UFL1: variants seen among roughly 807,000 people sequenced by gnomAD.
The protein encoded by UFL1 is UFM1 specific ligase 1.
Under a neutral mutation model 99.3 loss-of-function variants are expected in UFL1, and 78 were observed. The observed-to-expected ratio is 0.79, with a 90% CI of 0.65 to 0.95. The LOEUF is 0.95. Ranked by LOEUF, UFL1 falls within the 40% of genes least tolerant of loss-of-function variation. The pLI is 0.00. For missense variants in UFL1, 936 were observed against 937.0 expected, an observed-to-expected ratio of 1.00 and a Z score of 0.01; for synonymous variants, 335 against 322.2, an observed-to-expected ratio of 1.04 and a Z score of -0.42.
chr6:96,544,096 A>G (rs1421921705), intron 12 of UFL1, among the ~76,000 whole-genome samples: 1 of 151,062 alleles, frequency 6.6e-6, no homozygotes, highest in East Asian at 1.9e-4. Flanking sequence ...TTCCACTGCC[A>G]TGCAAAACAA....
chr6:96,535,639 G>GT (rs1485877778), intron 7 of UFL1, among the ~76,000 whole-genome samples: 1 of 151,976 alleles, frequency 6.6e-6, no homozygotes, highest in East Asian at 1.9e-4. Flanking sequence ...TAGCTAGTAG[G>GT]TGGCAGAGTT....
chr6:96,552,336 T>C, intron 17 of UFL1, 146 bp from the exon 18 acceptor site: 1 of 805,440 alleles, frequency 1.2e-6, no homozygotes, highest in Non-Finnish European at 1.9e-6. Flanking sequence ...TTTATGTGTG[T>C]ATATCCCATA....
At chr6:96,548,574 G>A (rs1770032986) in intron 13 of UFL1, among the ~76,000 whole-genome samples, 1 of 151,670 alleles carries the variant, frequency 6.6e-6, no homozygotes, top group South Asian at 2.1e-4. Context: ...AAAAAGACCG[G>A]CATTAACCAC....
In UFL1 at chr6:96,554,170, AAACAAGCTACT is replaced by A. The variant is rs1373190392; in HGVS notation, c.*674_*684del. 2.0e-5 allele frequency: 3 copies of A among 152,198 alleles called. No homozygotes were observed. Among genetic ancestry groups the A allele is most frequent in the African/African-American group, 7.2e-5 (3 of 41,460 alleles). The allele number at this position is 152,198 out of a possible 1,614,324, so 9.4% of individuals were successfully genotyped here. ...CCATGCATTGCTGTGTTCTCTTCTAAAACAAGCTACTAACAAGAGAGAGAACACATGCAATT... is the reference window on the plus strand; with the variant it reads ...CCATGCATTGCTGTGTTCTCTTCTAAAACAAGAGAGAGAACACATGCAATT... On this transcript the variant is annotated 3_prime_UTR_variant, in exon 19 of 19. Coordinates refer to ENST00000369278, the MANE Select transcript of UFL1 (RefSeq NM_015323.5).
chr6:96,528,831 C>T (rs575425249), intron 6 of UFL1, among the ~76,000 whole-genome samples, 199 bp downstream of exon 6: 4 of 152,244 alleles, frequency 2.6e-5, no homozygotes, highest in East Asian at 1.9e-4. Context: ...CTCTCCAGTC[C>T]GCATCTCCTT....
At chr6:96,532,134 G>A (rs531648432) in intron 6 of UFL1, among the ~76,000 whole-genome samples, 4 of 152,212 alleles carry the variant, frequency 2.6e-5, no homozygotes, top group African/African-American at 9.6e-5. Flanking sequence ...CCAAATTGAC[G>A]TAAAAATTCA....
chr6:96,529,889 C>CT (rs989311624), intron 6 of UFL1, among the ~76,000 whole-genome samples: 20 of 151,754 alleles, frequency 1.3e-4, no homozygotes, highest in African/African-American at 4.8e-4. Context: ...TGCAAGAGAA[C>CT]TTTTTTTTTC....
chr6:96,546,205 G>A (rs1769995294), intron 12 of UFL1, among the ~76,000 whole-genome samples: 2 of 150,164 alleles, frequency 1.3e-5, no homozygotes, highest in South Asian at 4.2e-4. Context: ...AAAATTAGTA[G>A]CATTTCTATA....
chr6:96,536,115 A>G, intron 7 of UFL1, 129 bp from the exon 8 acceptor site: 1 of 858,934 alleles, frequency 1.2e-6, no homozygotes, highest in Non-Finnish European at 1.7e-6. Flanking sequence ...ACCTTTATTT[A>G]TGCTATTTCA....
At chr6:96,552,861 A>T (rs2127954033) in intron 18 of UFL1, among the ~76,000 whole-genome samples, 199 bp downstream of exon 18, 1 of 152,218 alleles carries the variant, frequency 6.6e-6, no homozygotes, top group African/African-American at 2.4e-5. Context: ...GAATGTTCTG[A>T]ATTTGGAAAT....
In UFL1 at chr6:96,521,900, G is replaced by C; in HGVS notation, c.27G>C (p.Arg9Ser). The change falls in exon 1 of 19, where the codon AGG (arginine) becomes AGC (serine). Residue 9 changes from arginine to serine, a missense_variant. Coordinates refer to ENST00000369278, the MANE Select transcript of UFL1 (RefSeq NM_015323.5). ...TGGCGGACGCCTGGGAAGAGATTAG[G>C]CGGTTGGCGGCCGACTTCCAGCGGG... is the stretch of plus-strand genomic sequence containing the variant. MADAWEEI[R>S]RLAADFQRAQ... 6.2e-7 allele frequency: 1 copy of C among 1,612,654 alleles called. No individual in the cohort carries two copies. Among genetic ancestry groups the C allele is most frequent in the Non-Finnish European group, 8.5e-7 (1 of 1,179,634 alleles).
At chr6:96,524,451 A>G in intron 3 of UFL1, 41 bp downstream of exon 3, 1 of 1,464,388 alleles carries the variant, frequency 6.8e-7, no homozygotes, top group African/African-American at 1.4e-5. Context: ...TACTTTCTCA[A>G]TTTTTTGATA....
chr6:96,543,143 C>A, intron 12 of UFL1, 127 bp downstream of exon 12: 2 of 1,094,440 alleles, frequency 1.8e-6, no homozygotes, highest in Non-Finnish European at 2.5e-6. Context: ...TTCAGTGACA[C>A]AAATTTCAGT....
chr6:96,528,420 C>T (rs1769732708), intron 5 of UFL1, 82 bp from the exon 6 acceptor site: 5 of 1,482,666 alleles, frequency 3.4e-6, no homozygotes, highest in Middle Eastern at 3.6e-4. Flanking sequence ...CAGCATGCAG[C>T]ATGACTTGAG....
chr6:96,540,489 A>G, intron 10 of UFL1, 46 bp from the exon 11 acceptor site: 1 of 1,570,246 alleles, frequency 6.4e-7, no homozygotes, highest in Non-Finnish European at 8.6e-7. Flanking sequence ...ATGCTTTTGG[A>G]AATGCTATGT....
chr6:96,544,421 A>G (rs920074427), intron 12 of UFL1, among the ~76,000 whole-genome samples: 35 of 151,126 alleles, frequency 2.3e-4, no homozygotes, highest in African/African-American at 8.4e-4. Context: ...AAAAACTTTA[A>G]ATGATAATAG....
chr6:96,551,478 G>C lies in UFL1; in HGVS notation c.1864G>C (p.Ala622Pro). Reference sequence around the variant, plus strand: ...TAAATTATCAGAAGAAACCAAAGTAGCTCTTACAAAACTCCATAACTCTCT... The same window carrying C: ...TAAATTATCAGAAGAAACCAAAGTACCTCTTACAAAACTCCATAACTCTCT... Reference protein sequence around the residue: ...LSKLSEETKVALTKLHNSLNE... With the variant: ...LSKLSEETKVPLTKLHNSLNE... The change falls in exon 16 of 19, where the codon GCT becomes CCT. Residue 622 changes from alanine to proline, a missense_variant. By Grantham distance (27) the Ala-to-Pro change is conservative (BLOSUM62 -1). Coordinates refer to ENST00000369278, the MANE Select transcript of UFL1 (RefSeq NM_015323.5). 2.6e-6 allele frequency: 4 copies of C among 1,536,698 alleles called. No homozygotes were observed. Among genetic ancestry groups the C allele is most frequent in the African/African-American group, 1.4e-5 (1 of 70,186 alleles).
At chr6:96,551,191 A>G (rs1562257535) in intron 15 of UFL1, among the ~76,000 whole-genome samples, 1 of 151,962 alleles carries the variant, frequency 6.6e-6, no homozygotes, top group South Asian at 2.1e-4. Context: ...CACAAGGTCA[A>G]CGACTCTCTC....
intron 18 of UFL1, 25 bp downstream of exon 18, chr6:96,552,687 A>G: frequency 1.3e-6 from 2 of 1,564,392 alleles, no homozygotes; most frequent in Non-Finnish European, 1.7e-6. Context: ...ATACACTTGA[A>G]ACTTTCAAAG....
Sources: allele counts gnomAD v4.1 joint callset (sites outside exome capture counted in the v4.1 genomes callset), GRCh38; gene constraint gnomAD v4.1.1; transcripts MANE v1.5; gene names NCBI Gene and HGNC (gene_info 2026-07-23, HGNC 2026-07-21).